The following NTM variants were observed in gnomAD, a reference collection of about 807,000 sequenced individuals.
The protein encoded by NTM is IgLON family member 2.
A neutral mutation model predicts 42.1 loss-of-function variants in NTM; 13 were observed. The observed-to-expected ratio is 0.31, with a 90% CI of 0.20 to 0.49. NTM has a LOEUF of 0.49. Ranked by LOEUF, NTM falls within the 20% of genes least tolerant of loss-of-function variation. The probability of loss-of-function intolerance (pLI) is 0.99; values close to 1 mark genes in which losing one functional copy is unlikely to be tolerated. For missense variants in NTM, 373 were observed against 452.8 expected (o/e 0.82, Z 1.60); for synonymous variants, 187 against 179.2 (o/e 1.04, Z -0.35).
At chr11:132,053,541 T>C (rs967540457) in intron 2 of NTM, among the ~76,000 whole-genome samples, 3 of 152,176 alleles carry the variant, frequency 2.0e-5, no homozygotes, top group African/African-American at 7.2e-5. Flanking sequence ...TACCAAGCTG[T>C]TAGGTGTTTT....
intron 3 of NTM, among the ~76,000 whole-genome samples, chr11:132,207,670 C>T (rs114772208): frequency 1.2e-3 from 187 of 152,236 alleles, no homozygotes; most frequent in African/African-American, 4.3e-3. Flanking sequence ...CTTCCATTAA[C>T]AGTTGTGCCT....
intron 1 of NTM, among the ~76,000 whole-genome samples, chr11:131,554,632 A>C (rs144846873): frequency 6.6e-6 from 1 of 151,980 alleles, no homozygotes; most frequent in East Asian, 1.9e-4. Flanking sequence ...TGGGTTCTTC[A>C]TTGCTGTTGA....
At chr11:131,387,549 G>A (rs1035258590) in intron 1 of NTM, among the ~76,000 whole-genome samples, 1 of 152,182 alleles carries the variant, frequency 6.6e-6, no homozygotes, top group Non-Finnish European at 1.5e-5. Context: ...GCTGAGAAAG[G>A]AGAACAACAA....
At chr11:132,304,071 C>G (rs1336630148) in intron 4 of NTM, among the ~76,000 whole-genome samples, 3 of 152,192 alleles carry the variant, frequency 2.0e-5, no homozygotes, top group African/African-American at 7.2e-5. Flanking sequence ...TTGCCTTCTT[C>G]ATAGCACTTG....
chr11:131,556,997 A>G (rs1026149149), intron 1 of NTM, among the ~76,000 whole-genome samples: 1 of 152,008 alleles, frequency 6.6e-6, no homozygotes, highest in Non-Finnish European at 1.5e-5. Context: ...GTGTCTGTGC[A>G]TGCGTGTGTG....
chr11:132,064,101 CAAG>C (rs987988783), intron 2 of NTM, among the ~76,000 whole-genome samples: 2 of 151,850 alleles, frequency 1.3e-5, no homozygotes, highest in African/African-American at 2.4e-5. Context: ...CAGAAAAGCA[CAAG>C]AAGGGGAGAT....
At chr11:131,440,137 T>C (rs1356930587) in intron 1 of NTM, among the ~76,000 whole-genome samples, 5 of 152,110 alleles carry the variant, frequency 3.3e-5, no homozygotes, top group African/African-American at 1.2e-4. Context: ...TTCTGATTTC[T>C]AGGAGAGTTC....
intron 1 of NTM, among the ~76,000 whole-genome samples, chr11:131,560,901 C>T (rs1267580162): frequency 6.6e-6 from 1 of 152,206 alleles, no homozygotes; most frequent in Non-Finnish European, 1.5e-5. Context: ...CCACTTTGAA[C>T]AGCCCTCTTC....
At chr11:131,468,164 T>C (rs984567424) in intron 1 of NTM, among the ~76,000 whole-genome samples, 2 of 152,170 alleles carry the variant, frequency 1.3e-5, no homozygotes, top group Non-Finnish European at 2.9e-5. Flanking sequence ...ACTCGCACTT[T>C]GCCTGCCCCC....
At chr11:131,844,006 T>C (rs1565620937) in intron 1 of NTM, among the ~76,000 whole-genome samples, 1 of 152,090 alleles carries the variant, frequency 6.6e-6, no homozygotes, top group Non-Finnish European at 1.5e-5. Context: ...CTTTTTTTTG[T>C]AGAGAACTAT....
At position 132,210,940 on chromosome 11, in the gene NTM, G is replaced by A. The variant is rs138977693; in HGVS notation, c.401-1082G>A. ...CTCTCCCTAGGGGGAGTCATTTAGT[G>A]GAGAAAGAAGGTGGGGGAGAGAGAG... is the stretch of plus-strand genomic sequence containing the variant. On this transcript the variant is annotated intron_variant, in intron 3 of 8. Coordinates refer to ENST00000683400, the MANE Select transcript of NTM (RefSeq NM_001352005.2). 2.6e-5 allele frequency among the ~76,000 whole-genome samples: 4 copies of A among 152,250 alleles called. No homozygotes were observed. In the East Asian group the frequency reaches 7.7e-4, roughly 29 times the overall value.
intron 1 of NTM, among the ~76,000 whole-genome samples, chr11:131,836,591 A>G (rs1198553365): frequency 6.6e-6 from 1 of 152,202 alleles, no homozygotes; most frequent in Non-Finnish European, 1.5e-5. Context: ...CTACTTTTCC[A>G]ATGAGCACAT....
chr11:131,520,967 G>A (rs1361133650), intron 1 of NTM, among the ~76,000 whole-genome samples: 1 of 152,108 alleles, frequency 6.6e-6, no homozygotes, highest in Non-Finnish European at 1.5e-5. Context: ...CGATCATGAT[G>A]GAAGGGGAAG....
At chr11:132,140,799 T>A (rs2068940232) in intron 2 of NTM, among the ~76,000 whole-genome samples, 1 of 152,068 alleles carries the variant, frequency 6.6e-6, no homozygotes, top group African/African-American at 2.4e-5. Context: ...GCCATTTGCG[T>A]CGTGATGTTC....
intron 1 of NTM, among the ~76,000 whole-genome samples, chr11:131,408,851 C>G (rs1365504114): frequency 6.6e-6 from 1 of 152,208 alleles, no homozygotes; most frequent in African/African-American, 2.4e-5. Context: ...ACAAACCTGA[C>G]TTTATTGTTC....
intron 1 of NTM, among the ~76,000 whole-genome samples, chr11:131,669,386 A>G (rs789517): frequency 0.81 from 123,364 of 152,208 alleles, 50,415 homozygotes; most frequent in African/African-American, 0.92. Flanking sequence ...GGCTACCAGA[A>G]GCATCTGTTT....
intron 2 of NTM, among the ~76,000 whole-genome samples, chr11:132,065,335 T>C (rs927187800): frequency 2.6e-5 from 4 of 152,206 alleles, no homozygotes; most frequent in African/African-American, 9.6e-5. Context: ...GCTTGGCTAG[T>C]TTTCTGTCTC....
intron 1 of NTM, among the ~76,000 whole-genome samples, chr11:131,861,559 G>A (rs955485456): frequency 6.6e-6 from 1 of 152,130 alleles, no homozygotes; most frequent in Non-Finnish European, 1.5e-5. Context: ...GTCTCACCGG[G>A]TTACATTTTG....
chr11:131,633,678 CCT>C (rs148248122), intron 1 of NTM, among the ~76,000 whole-genome samples: 11 of 47,280 alleles, frequency 2.3e-4, no homozygotes, highest in Non-Finnish European at 3.1e-4. Context: ...TCTCTCCCTC[CCT>C]CTCTCTCTCT....
Sources: gnomAD v4.1 joint callset for allele counts (sites outside exome capture counted in the v4.1 genomes callset) on GRCh38, gnomAD v4.1.1 for gene constraint, MANE v1.5 for transcripts, NCBI Gene and HGNC (gene_info 2026-07-23, HGNC 2026-07-21) for gene names.